The following GGA1 variants were observed in gnomAD, a reference collection of about 807,000 sequenced individuals.
GGA1 encodes ADP-ribosylation factor-binding protein GGA1.
A neutral mutation model predicts 76.9 loss-of-function variants in GGA1; 18 were observed. The ratio of observed to expected loss-of-function variants is 0.23; its 90% CI spans 0.16 to 0.35. The LOEUF (loss-of-function observed/expected upper bound fraction) is 0.35, where lower values mean the gene tolerates loss of function less well. GGA1 is among the 10% of genes least tolerant of loss of function. The pLI, the probability that GGA1 is intolerant of heterozygous loss-of-function variation, is 1.00. For synonymous variants in GGA1, 342 were observed against 354.7 expected, an observed-to-expected ratio of 0.96 and a Z score of 0.40; for missense variants, 755 against 859.0, an observed-to-expected ratio of 0.88 and a Z score of 1.51.
At position 37,622,715 on chromosome 22, in the gene GGA1, C is replaced by T. The variant is rs186058762; in HGVS notation, c.610-612C>T. 1.7e-3 allele frequency among the ~76,000 whole-genome samples: 264 copies of T among 152,346 alleles called. 1 individual carries two copies. Among genetic ancestry groups the T allele is most frequent in the African/African-American group, 6.2e-3 (257 of 41,590 alleles). On this transcript the variant is annotated intron_variant, in intron 7 of 16. Coordinates refer to ENST00000343632, the MANE Select transcript of GGA1 (RefSeq NM_013365.5). ...AGTTTCAAAGCTGGATGTGGTGGCT[C>T]ATGCCTGTAATCCCAGCACTTTGGA...
At chr22:37,613,932 G>A in intron 1 of GGA1, 1 of 467,424 alleles carries the variant, frequency 2.1e-6, no homozygotes, top group Non-Finnish European at 4.0e-6. Flanking sequence ...TGCAGGGGTG[G>A]GAGGAGTGGG....
chr22:37,631,749 T>C (rs1931835254), intron 14 of GGA1, among the ~76,000 whole-genome samples: 1 of 152,122 alleles, frequency 6.6e-6, no homozygotes, highest in African/African-American at 2.4e-5. Flanking sequence ...GAAGCTGGGC[T>C]GTGACTCGGC....
chr22:37,621,342 T>C (rs961566715), intron 6 of GGA1, among the ~76,000 whole-genome samples: 2 of 152,186 alleles, frequency 1.3e-5, no homozygotes, highest in African/African-American at 2.4e-5. Context: ...TCTTGTACAT[T>C]GTCCCAGAAA....
At position 37,608,852 on chromosome 22, in the gene GGA1, C is replaced by G; in HGVS notation, c.-9C>G. 1 of 1,307,326 alleles carries G rather than the reference C, an allele frequency of 7.6e-7. No individual in the cohort carries two copies. The highest frequency in any genetic ancestry group is 9.7e-7 in the Non-Finnish European group (1 of 1,030,012). 81.0% of individuals were successfully genotyped at this position (1,307,326 alleles called of 1,614,324 possible). A position where few individuals can be genotyped will look rare whatever the true frequency, so the allele number is the denominator to read the frequency against. ...GGGGGGCGGTGCCGAGGCTGGGGGC[C>G]GGTGGCGGATGGAGCCCGCGATGGA... is the stretch of plus-strand genomic sequence containing the variant. On this transcript the variant is annotated 5_prime_UTR_variant, in exon 1 of 17. Transcript: ENST00000343632.
chr22:37,619,027 G>A lies in GGA1; in HGVS notation c.303+481G>A, dbSNP rs140055911. Among the ~76,000 whole-genome samples, 504 of 152,284 alleles carry A rather than the reference G, an allele frequency of 3.3e-3. 8 individuals are homozygous for A. The highest frequency in any genetic ancestry group is 0.012 in the African/African-American group (486 of 41,562). On this transcript the variant is annotated intron_variant, in intron 4 of 16. Transcript: ENST00000343632. ...GCTGGCTCCAGACGGGCCATCCCCG[G>A]CTCAGCCCAAGGAGTCTTCCCACAG... is the stretch of plus-strand genomic sequence containing the variant.
In GGA1 at chr22:37,625,647, T is replaced by C. The variant is rs1302029291; in HGVS notation, c.941-150T>C. On this transcript the variant is annotated intron_variant, in intron 10 of 16. Transcript: ENST00000343632. This position sits in a 1 kb window ranked among gnomAD's most constrained non-coding sequence, Gnocchi z 4.1. ...CAAAGAGAGGTCCTGTTGAGCAGTTTCCAGGCAGGGGCTGGTGTGGCCAAG... is the reference window on the plus strand; with the variant it reads ...CAAAGAGAGGTCCTGTTGAGCAGTTCCCAGGCAGGGGCTGGTGTGGCCAAG... 7.7e-6 allele frequency: 4 copies of C among 518,922 alleles called. No individual in the cohort carries two copies. Among genetic ancestry groups the C allele is most frequent in the Non-Finnish European group, 1.4e-5 (4 of 294,306 alleles). 32.1% of individuals were successfully genotyped at this position (518,922 alleles called of 1,614,324 possible).
intron 1 of GGA1, among the ~76,000 whole-genome samples, chr22:37,611,804 C>T (rs1601494418): frequency 2.0e-5 from 3 of 152,330 alleles, no homozygotes; most frequent in African/African-American, 2.4e-5. Flanking sequence ...AAATGAAGAT[C>T]GAGCTCTGGC....
At chr22:37,622,340 C>G (rs1394779996) in intron 7 of GGA1, among the ~76,000 whole-genome samples, 7 of 152,072 alleles carry the variant, frequency 4.6e-5, no homozygotes, top group African/African-American at 1.7e-4. Flanking sequence ...CTCGGCGTCC[C>G]AAAGTGCTGG....
chr22:37,618,722 C>T (rs73420400), intron 4 of GGA1, among the ~76,000 whole-genome samples, 176 bp downstream of exon 4: 5,513 of 152,294 alleles, frequency 0.036, 327 homozygotes, highest in African/African-American at 0.12. Context: ...TCCTCTCATA[C>T]CTGATTCTGG....
Position 37,625,230 on chromosome 22 carries a change from G to A in GGA1, c.940+154G>A, listed in dbSNP as rs1930603430. Among the ~76,000 whole-genome samples, 1 of 152,136 alleles carries A rather than the reference G, an allele frequency of 6.6e-6. No homozygotes were observed. The highest frequency in any genetic ancestry group is 2.4e-5 in the African/African-American group (1 of 41,424). Reference sequence around the variant, plus strand: ...GAAGGCCCCAGGGAGGGAGCTGGGGGTGAAGTCTGTGCCAAGCCTGCAGCT... The same window carrying A: ...GAAGGCCCCAGGGAGGGAGCTGGGGATGAAGTCTGTGCCAAGCCTGCAGCT... On this transcript the variant is annotated intron_variant, in intron 10 of 16. Transcript: ENST00000343632. The surrounding 1 kb of genome is among the most constrained non-coding windows in gnomAD (Gnocchi z 4.1).
intron 1 of GGA1, chr22:37,610,699 G>A (rs1027084185): frequency 1.3e-5 from 2 of 152,318 alleles, no homozygotes; most frequent in African/African-American, 4.8e-5. Flanking sequence ...GGCCTAGTGA[G>A]GTAAATGATG....
In GGA1 at chr22:37,624,986, A is replaced by C. The variant is rs972183114; in HGVS notation, c.850A>C (p.Asn284His). 6.3e-7 allele frequency: 1 copy of C among 1,592,440 alleles called. No homozygotes were observed. The highest frequency in any genetic ancestry group is 8.5e-7 in the Non-Finnish European group (1 of 1,169,764). Residue 284 changes from asparagine (N) to histidine (H), a missense_variant, in exon 10 of 17, where the codon AAT (asparagine) becomes CAT (histidine). By Grantham distance (68) the Asn-to-His change is moderately conservative. Transcript: ENST00000343632. This position sits in a 1 kb window ranked among gnomAD's most constrained non-coding sequence, Gnocchi z 4.3. ...DEALAEILQANDNLTQVINLY... is the reference protein window; with the variant it reads ...DEALAEILQAHDNLTQVINLY... ...TGTTCCAGCGGAGATCCTGCAGGCC[A>C]ATGACAACCTCACCCAGGTGATCAA...
intron 4 of GGA1, among the ~76,000 whole-genome samples, chr22:37,619,079 T>A (rs1239339493): frequency 6.6e-6 from 1 of 152,204 alleles, no homozygotes; most frequent in African/African-American, 2.4e-5. Context: ...TTTCTTTATT[T>A]TTTTGAGATG....
Position 37,623,325 on chromosome 22 carries a change from A to G in GGA1, c.610-2A>G, listed in dbSNP as rs1238266251. ...AGGGGCCCTTGGCCAATGTGTCCCC[A>G]GGACCAGAAGCGGATGGAGAAGATC... On this transcript the variant is annotated splice_acceptor_variant, in intron 7 of 16. Coordinates refer to ENST00000343632, the MANE Select transcript of GGA1 (RefSeq NM_013365.5). LOFTEE classifies it high-confidence loss of function. This position sits in a 1 kb window ranked among gnomAD's most constrained non-coding sequence, Gnocchi z 4.6. 6.2e-7 allele frequency: 1 copy of G among 1,613,912 alleles called. No homozygotes were observed. Among genetic ancestry groups the G allele is most frequent in the Non-Finnish European group, 8.5e-7 (1 of 1,179,958 alleles).
rs768179026 is a variant in GGA1, at chr22:37,625,874, C to T, written c.1018C>T (p.Arg340Cys). 1.2e-5 allele frequency: 19 copies of T among 1,611,514 alleles called. No individual in the cohort carries two copies. Among genetic ancestry groups the T allele is most frequent in the African/African-American group, 4.0e-5 (3 of 74,930 alleles). Residue 340 changes from arginine to cysteine, a missense_variant, in exon 11 of 17, where the codon CGC (arginine) becomes TGC (cysteine). Arg to Cys is a radical substitution (Grantham distance 180). Transcript: ENST00000343632. The surrounding 1 kb of genome is among the most constrained non-coding windows in gnomAD (Gnocchi z 4.1). ...CACCACCTACCCAGCTATGCCCACC[C>T]GCCCTGGCGAGCAGGCCAGCCCTGA... ...AGTTYPAMPT[R>C]PGEQASPEQP...
intron 1 of GGA1, chr22:37,609,480 G>T (rs982967152): frequency 4.3e-6 from 1 of 232,178 alleles, no homozygotes; most frequent in African/African-American, 2.4e-5. Flanking sequence ...TACAGGCTTG[G>T]GAGAGTCTTA....
At position 37,608,906 on chromosome 22, in the gene GGA1, G is replaced by T; in HGVS notation, c.43+3G>T. On this transcript the variant is annotated splice_donor_region_variant and intron_variant, in intron 1 of 16. Coordinates refer to ENST00000343632, the MANE Select transcript of GGA1 (RefSeq NM_013365.5). ...GGAGACTCTGGAGGCGCGAATCAGT[G>T]AGTGTCCGGGAGGGGCGCGGGCCGG... 7.6e-7 allele frequency: 1 copy of T among 1,316,070 alleles called. No individual in the cohort carries two copies. The allele number at this position is 1,316,070 out of a possible 1,614,324, so 81.5% of individuals were successfully genotyped here.
intron 2 of GGA1, 76 bp downstream of exon 2, chr22:37,614,350 G>T (rs1928346161): frequency 4.0e-6 from 4 of 1,000,724 alleles, no homozygotes; most frequent in Admixed American, 3.5e-5. Flanking sequence ...GGCCTGGGTG[G>T]GTGGAGACCC....
chr22:37,615,657 G>A (rs1020022399), intron 2 of GGA1, among the ~76,000 whole-genome samples: 2 of 151,374 alleles, frequency 1.3e-5, no homozygotes, highest in Non-Finnish European at 2.9e-5. Flanking sequence ...CCAGCTACTC[G>A]GGAGGCTGAG....
Sources: gnomAD v4.1 joint callset for allele counts (sites outside exome capture counted in the v4.1 genomes callset) on GRCh38, gnomAD v4.1.1 for gene constraint, Gnocchi (gnomAD v3.1) non-coding constraint, MANE v1.5 for transcripts, NCBI Gene and HGNC (gene_info 2026-07-23, HGNC 2026-07-21) for gene names.